The following RTN4IP1 variants were observed in gnomAD, a reference collection of about 807,000 sequenced individuals.
RTN4IP1 encodes reticulon 4 interacting protein 1.
A neutral mutation model predicts 46.6 loss-of-function variants in RTN4IP1; 32 were observed. The ratio of observed to expected loss-of-function variants is 0.69; its 90% CI spans 0.52 to 0.92. The LOEUF (loss-of-function observed/expected upper bound fraction) is 0.92, where lower values mean the gene tolerates loss of function less well. Ranked by LOEUF, RTN4IP1 falls within the 40% of genes least tolerant of loss-of-function variation. The pLI, the probability that RTN4IP1 is intolerant of heterozygous loss-of-function variation, is 0.00. For synonymous variants in RTN4IP1, 167 were observed against 161.8 expected (o/e 1.03, Z -0.24); for missense variants, 424 against 485.8 (o/e 0.87, Z 1.20).
At chr6:106,617,545 A>G (rs1324366854) in intron 4 of RTN4IP1, among the ~76,000 whole-genome samples, 1 of 152,218 alleles carries the variant, frequency 6.6e-6, no homozygotes, top group Non-Finnish European at 1.5e-5. Context: ...TGGTTAGTTA[A>G]TGGCAGAACA....
chr6:106,590,127 G>A (rs141160639), intron 6 of RTN4IP1, among the ~76,000 whole-genome samples: 9 of 152,014 alleles, frequency 5.9e-5, no homozygotes, highest in African/African-American at 2.2e-4. Context: ...AGACCAGCCC[G>A]GCCAACATGG....
chr6:106,581,890 G>A (rs1273891648), intron 8 of RTN4IP1, among the ~76,000 whole-genome samples: 2 of 152,140 alleles, frequency 1.3e-5, no homozygotes, highest in African/African-American at 2.4e-5. Flanking sequence ...GACTTCTAGA[G>A]GACAAAGACC....
At chr6:106,622,334 A>G (rs1169415461) in intron 2 of RTN4IP1, among the ~76,000 whole-genome samples, 1 of 152,258 alleles carries the variant, frequency 6.6e-6, no homozygotes, top group Admixed American at 6.5e-5. Context: ...AGGAAAAATT[A>G]TAAAGATAGT....
At chr6:106,608,615 T>C (rs374700957) in intron 4 of RTN4IP1, among the ~76,000 whole-genome samples, 1 of 152,232 alleles carries the variant, frequency 6.6e-6, no homozygotes, top group Non-Finnish European at 1.5e-5. Context: ...ATGTGTACAT[T>C]ACATATCAAC....
In RTN4IP1 at chr6:106,628,826, GCAT is replaced by G; in HGVS notation, c.193_195del (p.Met65del). ...ACTTCATTTGGATAGTGTATGATAG[GCAT>G]CATCATGTTCTGAGTGAATCGAAGC... On this transcript the variant is annotated inframe_deletion, in exon 1 of 9. Coordinates refer to ENST00000369063, the MANE Select transcript of RTN4IP1 (RefSeq NM_032730.5). 1 of 1,613,796 alleles carries G rather than the reference GCAT, an allele frequency of 6.2e-7. No homozygotes were observed. The highest frequency in any genetic ancestry group is 1.1e-5 in the South Asian group (1 of 91,072).
chr6:106,575,138 G>C (rs187028336), intron 8 of RTN4IP1, among the ~76,000 whole-genome samples: 1 of 152,272 alleles, frequency 6.6e-6, no homozygotes, highest in African/African-American at 2.4e-5. Context: ...ATACAGAGGG[G>C]GGAAAGAAAG....
chr6:106,578,337 C>G (rs1467958879), intron 8 of RTN4IP1, among the ~76,000 whole-genome samples: 1 of 152,206 alleles, frequency 6.6e-6, no homozygotes, highest in East Asian at 1.9e-4. Context: ...AATGTGACAT[C>G]ACAGCAGGAT....
rs765819120 is a variant in RTN4IP1, at chr6:106,619,335, G to A, written c.496-9C>T. 9 of 1,613,658 alleles carry A rather than the reference G, an allele frequency of 5.6e-6. No individual in the cohort carries two copies. The highest frequency in any genetic ancestry group is 7.6e-6 in the Non-Finnish European group (9 of 1,179,914). ...TTGGGTTTGTGAGAGACCTACATTT[G>A]AAGACAACAGTCAAAAATAAGCAAT... On this transcript the variant is annotated splice_polypyrimidine_tract_variant and intron_variant, in intron 3 of 8. Transcript: ENST00000369063.
chr6:106,626,499 G>A (rs1776648928), intron 1 of RTN4IP1, among the ~76,000 whole-genome samples: 1 of 152,156 alleles, frequency 6.6e-6, no homozygotes, highest in African/African-American at 2.4e-5. Flanking sequence ...ACATTTAGTC[G>A]TGTCAAACTT....
intron 6 of RTN4IP1, among the ~76,000 whole-genome samples, chr6:106,588,882 G>A (rs1226881544): frequency 4.6e-5 from 7 of 151,766 alleles, no homozygotes; most frequent in Non-Finnish European, 8.8e-5. Flanking sequence ...AGGCCGAGTC[G>A]GGTGGATCAC....
At chr6:106,620,351 C>G (rs1241555080) in intron 3 of RTN4IP1, among the ~76,000 whole-genome samples, 1 of 152,174 alleles carries the variant, frequency 6.6e-6, no homozygotes, top group Non-Finnish European at 1.5e-5. Context: ...GATCCACGCA[C>G]CTCGGCCTCC....
At chr6:106,585,141 C>G (rs1775453343) in intron 7 of RTN4IP1, among the ~76,000 whole-genome samples, 1 of 152,146 alleles carries the variant, frequency 6.6e-6, no homozygotes. Flanking sequence ...TCTGTCATGG[C>G]ATGAAAGATG....
Position 106,571,981 on chromosome 6 carries a change from A to G in RTN4IP1, c.*15T>C. 1 of 1,594,036 alleles carries G rather than the reference A, an allele frequency of 6.3e-7. No individual in the cohort carries two copies. The highest frequency in any genetic ancestry group is 8.6e-7 in the Non-Finnish European group (1 of 1,162,428). On this transcript the variant is annotated 3_prime_UTR_variant, in exon 9 of 9. Coordinates refer to ENST00000369063, the MANE Select transcript of RTN4IP1 (RefSeq NM_032730.5). ...CCAAATAAGAACGTCAACAATCACT[A>G]AACTGCATTTTTATTTAAACAACAT...
intron 6 of RTN4IP1, among the ~76,000 whole-genome samples, chr6:106,589,258 A>AGGGAGGGGGAGGGGGAGGAGGGAGGG (rs1775584816): frequency 1.7e-4 from 1 of 5,806 alleles, no homozygotes; most frequent in African/African-American, 3.8e-4. Context: ...GAGAAGGAGG[A>AGGGAGGGGGAGGGGGAGGAGGGAGGG]GGAGAAGGAG....
chr6:106,621,581 C>T (rs1475276583), intron 2 of RTN4IP1, 88 bp from the exon 3 acceptor site: 1 of 1,052,068 alleles, frequency 9.5e-7, no homozygotes, highest in South Asian at 1.3e-5. Flanking sequence ...TAATATATAC[C>T]CTGTGCTGTG....
intron 1 of RTN4IP1, among the ~76,000 whole-genome samples, chr6:106,628,159 C>T (rs964001000): frequency 2.6e-5 from 4 of 151,722 alleles, no homozygotes; most frequent in African/African-American, 9.7e-5. Context: ...CCACAAAGTT[C>T]CCTGGACAGA....
intron 8 of RTN4IP1, among the ~76,000 whole-genome samples, chr6:106,580,722 GA>G (rs559035213): frequency 2.7e-3 from 241 of 89,648 alleles, no homozygotes; most frequent in African/African-American, 3.4e-3. Context: ...CTGTCTCAAA[GA>G]AAAAAAAAAA....
In RTN4IP1 at chr6:106,587,716, A is replaced by G. The variant is rs1775520199; in HGVS notation, c.953T>C (p.Leu318Ser). Reference protein sequence around the residue: ...MDRLGIADGMLQTGVTVGSKA... With the variant: ...MDRLGIADGMSQTGVTVGSKA... ...TGAACCTACAGTGACTCCTGTCTGC[A>G]ACATGCCATCTGCTATGCCCAATCG... Residue 318 changes from leucine to serine, a missense_variant, in exon 7 of 9, where the codon TTG becomes TCG. Transcript: ENST00000369063. 6.2e-7 allele frequency: 1 copy of G among 1,613,340 alleles called. No homozygotes were observed. Among genetic ancestry groups the G allele is most frequent in the Non-Finnish European group, 8.5e-7 (1 of 1,179,940 alleles).
chr6:106,616,046 G>A (rs72945067), intron 4 of RTN4IP1, among the ~76,000 whole-genome samples: 5,918 of 152,192 alleles, frequency 0.039, 163 homozygotes, highest in Non-Finnish European at 0.059. Context: ...AGGCTCCCGA[G>A]TAGCTTGAAC....
Sources: allele counts gnomAD v4.1 joint callset (sites outside exome capture counted in the v4.1 genomes callset), GRCh38; gene constraint gnomAD v4.1.1; transcripts MANE v1.5; gene names NCBI Gene and HGNC (gene_info 2026-07-23, HGNC 2026-07-21).